Variants in TMEM144 observed in about 807,000 individuals in gnomAD.
The protein encoded by TMEM144 is transmembrane protein 144.
Under a neutral mutation model 43.6 loss-of-function variants are expected in TMEM144, and 39 were observed. The ratio of observed to expected loss-of-function variants is 0.90; its 90% confidence interval spans 0.69 to 1.17. TMEM144 has a LOEUF of 1.17. Among genes scored for constraint, TMEM144 ranks in the 50% most tolerant of loss-of-function variants. The pLI is 0.00. For synonymous variants in TMEM144, 154 were observed against 133.6 expected (o/e 1.15, Z -1.06); for missense variants, 417 against 411.9 (o/e 1.01, Z -0.11).
At chr4:158,237,713 A>G in intron 9 of TMEM144, 70 bp downstream of exon 9, 2 of 1,094,842 alleles carry the variant, frequency 1.8e-6, no homozygotes, top group Non-Finnish European at 2.6e-6. Context: ...TTGTGATAAT[A>G]GTAAATATTG....
chr4:158,217,182 A>G lies in TMEM144; in HGVS notation c.233-139A>G, dbSNP rs1734263909. The G allele has an allele frequency of 7.1e-6, 4 of 564,814 alleles. No individual in the cohort carries two copies. The East Asian group carries it at 8.9e-5, about 13-fold the overall frequency. The allele number at this position is 564,814 out of a possible 1,614,324, so 35.0% of individuals were successfully genotyped here. ...TGCCAAAAATGTGGTTATTTTACTG[A>G]AAAAATAAGGAACTGTGCTTTACTA... On this transcript the variant is annotated intron_variant, in intron 4 of 12. Coordinates refer to ENST00000296529, the MANE Select transcript of TMEM144 (RefSeq NM_018342.5).
In TMEM144 at chr4:158,235,519, A is replaced by G. The variant is rs369056343; in HGVS notation, c.563+14A>G. ...CCACCGCATAGTGTAAGGAGAGGTT[A>G]CTTCTTTGCTCTATTACTCTGTTTC... On this transcript the variant is annotated intron_variant, in intron 8 of 12. Coordinates refer to ENST00000296529, the MANE Select transcript of TMEM144 (RefSeq NM_018342.5). 8.7e-6 allele frequency: 14 copies of G among 1,607,240 alleles called. No homozygotes were observed. Among genetic ancestry groups the G allele is most frequent in the Non-Finnish European group, 1.2e-5 (14 of 1,176,098 alleles).
rs140108236 is a variant in TMEM144, at chr4:158,240,766, A to G, written c.802+348A>G. 3.4e-3 allele frequency among the ~76,000 whole-genome samples: 522 copies of G among 152,336 alleles called. 2 individuals carry two copies. The highest frequency in any genetic ancestry group is 0.011 in the African/African-American group (464 of 41,582). ...TTTCTTTTTCACTATCTAAAGGTTC[A>G]TATATCAACAAATAGGAATATGCAG... On this transcript the variant is annotated intron_variant, in intron 10 of 12. Coordinates refer to ENST00000296529, the MANE Select transcript of TMEM144 (RefSeq NM_018342.5).
intron 6 of TMEM144, among the ~76,000 whole-genome samples, chr4:158,229,232 T>G (rs915453695): frequency 2.0e-5 from 3 of 152,152 alleles, no homozygotes; most frequent in Non-Finnish European, 4.4e-5. Context: ...GGTCTGTCTC[T>G]CTTCTCTCAA....
At chr4:158,240,540 T>TTG (rs141564444) in intron 10 of TMEM144, 122 bp downstream of exon 10, 1,703 of 980,316 alleles carry the variant, frequency 1.7e-3, no homozygotes, top group Middle Eastern at 4.5e-3. Flanking sequence ...TGTGTGTGTG[T>TTG]TGTGTGTGTG....
At chr4:158,251,423 TG>T (rs949852837) in intron 12 of TMEM144, among the ~76,000 whole-genome samples, 120 of 152,040 alleles carry the variant, frequency 7.9e-4, no homozygotes, top group African/African-American at 2.8e-3. Flanking sequence ...AATCTTTAAG[TG>T]GGGGGGATGA....
At chr4:158,222,021 A>G (rs1458880806) in intron 6 of TMEM144, among the ~76,000 whole-genome samples, 1 of 152,212 alleles carries the variant, frequency 6.6e-6, no homozygotes, top group Non-Finnish European at 1.5e-5. Flanking sequence ...ACAGTCATTC[A>G]AATTCAAAAC....
chr4:158,251,207 C>T (rs1354389689), intron 12 of TMEM144, among the ~76,000 whole-genome samples: 3 of 152,124 alleles, frequency 2.0e-5, no homozygotes, highest in Admixed American at 6.6e-5. Flanking sequence ...TCTTGTTTTA[C>T]TTTGTAATGT....
chr4:158,244,268 T>G (rs1735768960), intron 11 of TMEM144, 28 bp from the exon 12 acceptor site: 1 of 1,503,796 alleles, frequency 6.6e-7, no homozygotes, highest in East Asian at 2.4e-5. Context: ...AATATCCAAT[T>G]TAATTAAAAT....
At chr4:158,249,486 C>A (rs983093834) in intron 12 of TMEM144, among the ~76,000 whole-genome samples, 1 of 152,106 alleles carries the variant, frequency 6.6e-6, no homozygotes, top group South Asian at 2.1e-4. Flanking sequence ...TAACATCCAC[C>A]TTTGATGAAG....
Position 158,240,380 on chromosome 4 carries a change from AAAAT to A in TMEM144, c.766_769del (p.Asn256ValfsTer21), listed in dbSNP as rs1338271904. The A allele has an allele frequency of 1.2e-6, 2 of 1,613,812 alleles. No homozygotes were observed. The highest frequency in any genetic ancestry group is 1.7e-6 in the Non-Finnish European group (2 of 1,179,940). ...TTTCTGGCCTACTGCATAGCCATGAAAAATAGTCCTAAACTATATCCTGAAGCAG... is the reference window on the plus strand; with the variant it reads ...TTTCTGGCCTACTGCATAGCCATGAAAGTCCTAAACTATATCCTGAAGCAG... On this transcript the variant is annotated frameshift_variant, in exon 10 of 13. Transcript: ENST00000296529. LOFTEE classifies it high-confidence loss of function.
At chr4:158,252,095 A>G (rs1231605017) in intron 12 of TMEM144, among the ~76,000 whole-genome samples, 1 of 152,128 alleles carries the variant, frequency 6.6e-6, no homozygotes, top group Non-Finnish European at 1.5e-5. Flanking sequence ...TCAATGATTG[A>G]GGATTTATCT....
At chr4:158,251,437 C>T (rs1038051180) in intron 12 of TMEM144, among the ~76,000 whole-genome samples, 1 of 152,132 alleles carries the variant, frequency 6.6e-6, no homozygotes, top group African/African-American at 2.4e-5. Context: ...GGGGATGAGA[C>T]AGGAATAATA....
chr4:158,247,168 C>A (rs939147066), intron 12 of TMEM144, among the ~76,000 whole-genome samples: 1 of 151,770 alleles, frequency 6.6e-6, no homozygotes, highest in African/African-American at 2.4e-5. Context: ...ATGAAAAGGA[C>A]GTGATAATAC....
intron 7 of TMEM144, 145 bp from the exon 8 acceptor site, chr4:158,235,293 A>C: frequency 4.1e-6 from 3 of 740,016 alleles, no homozygotes; most frequent in Non-Finnish European, 6.3e-6. Flanking sequence ...AGTTGAGTTT[A>C]GAGATATCAG....
intron 6 of TMEM144, among the ~76,000 whole-genome samples, chr4:158,220,512 A>G (rs1359374278): frequency 6.6e-6 from 1 of 152,230 alleles, no homozygotes; most frequent in African/African-American, 2.4e-5. Context: ...AAAATTGCAA[A>G]TCAATTATTC....
In TMEM144 at chr4:158,253,494, T is replaced by G. The variant is rs1049267748; in HGVS notation, c.1005T>G (p.Thr335=). ...LMILAFCIIL[T]GALCTAFSKI ...TACTTGCATTTTGCATCATCTTGAC[T>G]GGAGCCTTATGCACTGCTTTTTCTA... The change falls in exon 13 of 13, where the codon ACT becomes ACG. Residue 335 remains threonine, a synonymous_variant. Transcript: ENST00000296529. The G allele has an allele frequency of 5.6e-6, 9 of 1,613,822 alleles. No homozygotes were observed. The highest frequency in any genetic ancestry group is 7.6e-6 in the Non-Finnish European group (9 of 1,179,888).
chr4:158,239,027 C>A (rs1023564906), intron 9 of TMEM144, among the ~76,000 whole-genome samples: 6 of 152,144 alleles, frequency 3.9e-5, no homozygotes, highest in Non-Finnish European at 8.8e-5. Context: ...ATTCTCATAG[C>A]AACTAATACC....
At chr4:158,233,261 C>T (rs1735177501) in intron 7 of TMEM144, 2 of 210,066 alleles carry the variant, frequency 9.5e-6, no homozygotes, top group African/African-American at 4.6e-5. Context: ...TTAAAGATTC[C>T]TACAATAGAG....
Sources: allele counts gnomAD v4.1 joint callset (sites outside exome capture counted in the v4.1 genomes callset), GRCh38; gene constraint gnomAD v4.1.1; transcripts MANE v1.5; gene names NCBI Gene and HGNC (gene_info 2026-07-23, HGNC 2026-07-21).